The following JPH1 variants were observed in gnomAD, a reference collection of about 807,000 sequenced individuals.
JPH1 encodes the protein junctophilin-1.
JPH1 carries 12 observed loss-of-function variants against 53.6 expected under a neutral mutation model. That is an observed-to-expected ratio of 0.22 (90% confidence interval 0.14 to 0.36). JPH1 has a LOEUF of 0.36. Ranked by LOEUF, JPH1 falls within the 10% of genes least tolerant of loss-of-function variation. JPH1 has a pLI of 1.00. For missense variants in JPH1, 808 were observed against 905.5 expected, an observed-to-expected ratio of 0.89 and a Z score of 1.38; for synonymous variants, 375 against 363.8, an observed-to-expected ratio of 1.03 and a Z score of -0.35.
chr8:74,310,051 T>G (rs929045076), intron 2 of JPH1, among the ~76,000 whole-genome samples: 2 of 152,118 alleles, frequency 1.3e-5, no homozygotes, highest in African/African-American at 4.8e-5. Flanking sequence ...CAAGTTACCA[T>G]CAAGGGTACA....
Position 74,321,099 on chromosome 8 carries a change from G to A in JPH1, c.189C>T (p.Tyr63=). ...GCCCGTGCCGCTTGCCCTGCGCCCA[G>A]TAGCCCTGGTAGGTGTTGCCGCTGG... ...TWPSGNTYQG[Y]WAQGKRHGLG... is the part of the protein sequence containing the mutation. Residue 63 remains tyrosine, a synonymous_variant, in exon 1 of 6, where the codon TAC becomes TAT. Transcript: ENST00000342232. The surrounding 1 kb of genome is among the most constrained non-coding windows in gnomAD (Gnocchi z 4.3). The A allele has an allele frequency of 5.0e-6, 8 of 1,613,594 alleles. No homozygotes were observed. Among genetic ancestry groups the A allele is most frequent in the Non-Finnish European group, 6.8e-6 (8 of 1,179,804 alleles).
rs1168849332 is a variant in JPH1, at chr8:74,236,707, C to G, written c.*344G>C. ...CATACATTTCCAGTTTAGTCACACT[C>G]TGCTAGGACAGATGGAGTAGCCAAT... On this transcript the variant is annotated 3_prime_UTR_variant, in exon 6 of 6. Coordinates refer to ENST00000342232, the MANE Select transcript of JPH1 (RefSeq NM_020647.4). 1.3e-5 allele frequency: 2 copies of G among 152,042 alleles called. No homozygotes were observed. The highest frequency in any genetic ancestry group is 6.6e-5 in the Admixed American group (1 of 15,228). 9.4% of individuals were successfully genotyped at this position (152,042 alleles called of 1,614,324 possible). A position where few individuals can be genotyped will look rare whatever the true frequency, so the allele number is the denominator to read the frequency against.
In JPH1 at chr8:74,321,325, G is replaced by C. The variant is rs1283686225; in HGVS notation, c.-38C>G. On this transcript the variant is annotated 5_prime_UTR_variant, in exon 1 of 6. Transcript: ENST00000342232. This position sits in a 1 kb window ranked among gnomAD's most constrained non-coding sequence, Gnocchi z 4.3. ...CCCGGCGCGCTCCCCGCAGGGGCACGGACGCGGGCAGTGCTGGGCACGGCA... is the reference window on the plus strand; with the variant it reads ...CCCGGCGCGCTCCCCGCAGGGGCACCGACGCGGGCAGTGCTGGGCACGGCA... 1.3e-5 allele frequency: 19 copies of C among 1,492,092 alleles called. No homozygotes were observed. Among genetic ancestry groups the C allele is most frequent in the Non-Finnish European group, 1.6e-5 (18 of 1,120,566 alleles). The allele number at this position is 1,492,092 out of a possible 1,614,324, so 92.4% of individuals were successfully genotyped here. A position where few individuals can be genotyped will look rare whatever the true frequency, so the allele number is the denominator to read the frequency against.
At chr8:74,317,095 T>C (rs1563425726) in intron 1 of JPH1, among the ~76,000 whole-genome samples, 1 of 152,242 alleles carries the variant, frequency 6.6e-6, no homozygotes, top group Non-Finnish European at 1.5e-5. Context: ...ATGGCACATA[T>C]TCATTTTCAA....
intron 2 of JPH1, among the ~76,000 whole-genome samples, chr8:74,273,270 A>G (rs1304308389): frequency 6.6e-6 from 1 of 152,216 alleles, no homozygotes; most frequent in Non-Finnish European, 1.5e-5. Flanking sequence ...AAATATGTAC[A>G]CACATTTTAA....
chr8:74,291,573 T>A (rs1233404323), intron 2 of JPH1, among the ~76,000 whole-genome samples: 1 of 152,210 alleles, frequency 6.6e-6, no homozygotes, highest in Non-Finnish European at 1.5e-5. Context: ...GTGTGGCGAT[T>A]CCTCAAGGAT....
intron 2 of JPH1, among the ~76,000 whole-genome samples, chr8:74,294,510 C>T: frequency 6.6e-6 from 1 of 152,214 alleles, no homozygotes; most frequent in East Asian, 1.9e-4. Flanking sequence ...CTACAACAAT[C>T]TCTCTTCTCA....
rs377524755 is a variant in JPH1 at position 74,316,513 on chromosome 8, T to G, written c.380-893A>C. Among the ~76,000 whole-genome samples the G allele has an allele frequency of 8.8e-4, 134 of 152,336 alleles. 2 individuals are homozygous for G. The Middle Eastern group carries it at 0.02, about 23-fold the overall frequency. On this transcript the variant is annotated intron_variant, in intron 1 of 5. Coordinates refer to ENST00000342232, the MANE Select transcript of JPH1 (RefSeq NM_020647.4). ...GGTCTGTGTTTGTGGATGGAGGGTGTTTGATGACTATGTTGACGGTAAAAA... is the reference window on the plus strand; with the variant it reads ...GGTCTGTGTTTGTGGATGGAGGGTGGTTGATGACTATGTTGACGGTAAAAA...
At chr8:74,292,184 A>T (rs940517351) in intron 2 of JPH1, among the ~76,000 whole-genome samples, 2 of 152,230 alleles carry the variant, frequency 1.3e-5, no homozygotes, top group Non-Finnish European at 2.9e-5. Flanking sequence ...ATAATAATAA[A>T]AAATTAAACA....
intron 2 of JPH1, among the ~76,000 whole-genome samples, chr8:74,302,884 T>A (rs1023029253): frequency 6.6e-6 from 1 of 151,444 alleles, no homozygotes; most frequent in Non-Finnish European, 1.5e-5. Flanking sequence ...ACTAAATAAA[T>A]GTTTGCCAAA....
chr8:74,316,385 A>G (rs904134206), intron 1 of JPH1, among the ~76,000 whole-genome samples: 3 of 152,174 alleles, frequency 2.0e-5, no homozygotes, highest in Admixed American at 6.5e-5. Context: ...TCCTCTATGG[A>G]TTTCCCTAGC....
intron 2 of JPH1, among the ~76,000 whole-genome samples, chr8:74,263,531 A>G (rs962559696): frequency 1.4e-4 from 21 of 152,206 alleles, no homozygotes; most frequent in African/African-American, 4.3e-4. Flanking sequence ...CAGTTGCTCA[A>G]GCCAAAACCT....
At chr8:74,270,106 A>G (rs1240629657) in intron 2 of JPH1, among the ~76,000 whole-genome samples, 1 of 151,932 alleles carries the variant, frequency 6.6e-6, no homozygotes, top group Non-Finnish European at 1.5e-5. Flanking sequence ...TTTTTTAACG[A>G]GTTTCGGCTG....
chr8:74,280,980 A>G (rs1266531899), intron 2 of JPH1, among the ~76,000 whole-genome samples: 2 of 152,194 alleles, frequency 1.3e-5, no homozygotes, highest in Non-Finnish European at 2.9e-5. Context: ...AGTACACACC[A>G]ATAAACAGCA....
intron 2 of JPH1, among the ~76,000 whole-genome samples, chr8:74,268,187 C>A (rs1414902663): frequency 6.6e-6 from 1 of 152,086 alleles, no homozygotes; most frequent in East Asian, 1.9e-4. Context: ...TAAATGCCCA[C>A]TATTAGTCTT....
chr8:74,269,205 G>C (rs544307420), intron 2 of JPH1, among the ~76,000 whole-genome samples: 6 of 152,282 alleles, frequency 3.9e-5, no homozygotes, highest in African/African-American at 1.2e-4. Context: ...CCTCTATCAG[G>C]CTTCTGATGC....
Position 74,245,008 on chromosome 8 carries a change from G to A in JPH1, c.1426C>T (p.Pro476Ser). 6.2e-7 allele frequency: 1 copy of A among 1,614,070 alleles called. No homozygotes were observed. Among genetic ancestry groups the A allele is most frequent in the Non-Finnish European group, 8.5e-7 (1 of 1,180,026 alleles). Residue 476 changes from proline to serine, a missense_variant, in exon 4 of 6, where the codon CCT (proline) becomes TCT (serine). By Grantham distance (74) the Pro-to-Ser change is moderately conservative (BLOSUM62 -1). Transcript: ENST00000342232. ...TTCAGGGGCTTTGGGGAGGAAGCAG[G>A]AGAGTGGCTGTGTTTGGGACTTGCC... The part of the protein sequence containing the change: ...PEASPKHSHS[P>S]ASSPKPLKKQ...
rs1358105914 is a variant in JPH1 at position 74,264,354 on chromosome 8, C to T, written c.1140-4851G>A. 2.0e-5 allele frequency among the ~76,000 whole-genome samples: 3 copies of T among 152,086 alleles called. No individual in the cohort carries two copies. The East Asian group carries it at 5.8e-4, about 29-fold the overall frequency. Reference sequence around the variant, plus strand: ...AGGACGTGGAATAATAACTTTAAGACAGAATTCTTATGTCCTGGTTTAAAA... The same window carrying T: ...AGGACGTGGAATAATAACTTTAAGATAGAATTCTTATGTCCTGGTTTAAAA... On this transcript the variant is annotated intron_variant, in intron 2 of 5. Transcript: ENST00000342232.
intron 2 of JPH1, among the ~76,000 whole-genome samples, chr8:74,298,264 T>C (rs1386310049): frequency 6.6e-6 from 1 of 152,252 alleles, no homozygotes; most frequent in Non-Finnish European, 1.5e-5. Context: ...GTGCCACTTA[T>C]GCTCTTAGCT....
Sources: allele counts gnomAD v4.1 joint callset (sites outside exome capture counted in the v4.1 genomes callset), GRCh38; gene constraint gnomAD v4.1.1; non-coding constraint Gnocchi (gnomAD v3.1); transcripts MANE v1.5; gene names NCBI Gene and HGNC (gene_info 2026-07-23, HGNC 2026-07-21).